The following KCNH1 variants were observed in gnomAD, a reference collection of about 807,000 sequenced individuals.
KCNH1 encodes the protein potassium voltage-gated channel subfamily H member 1, also known as voltage-gated delayed rectifier potassium channel KCNH1.
A neutral mutation model predicts 69.2 loss-of-function variants in KCNH1; 27 were observed. The observed-to-expected ratio is 0.39, with a 90% confidence interval of 0.29 to 0.54. The LOEUF (loss-of-function observed/expected upper bound fraction) is 0.54. Among genes scored for constraint, KCNH1 ranks in the 20% least tolerant of loss-of-function variants. The pLI, the probability that KCNH1 is intolerant of heterozygous loss-of-function variation, is 0.68. For missense variants in KCNH1, 798 were observed against 1,261.6 expected, an observed-to-expected ratio of 0.63 and a Z score of 5.57; for synonymous variants, 456 against 487.7, an observed-to-expected ratio of 0.93 and a Z score of 0.86.
At chr1:211,031,552 T>G (rs576180995) in intron 5 of KCNH1, among the ~76,000 whole-genome samples, 1 of 152,182 alleles carries the variant, frequency 6.6e-6, no homozygotes, top group East Asian at 1.9e-4. Flanking sequence ...ATGATCATGA[T>G]CATGAAACCA....
At chr1:210,759,156 G>GACACACAC (rs60773247) in intron 10 of KCNH1, among the ~76,000 whole-genome samples, 16,502 of 148,500 alleles carry the variant, frequency 0.11, 978 homozygotes, top group Non-Finnish European at 0.14. Flanking sequence ...CCAAATGATA[G>GACACACAC]ACACACACAC....
rs187191832 is a variant in KCNH1, at chr1:210,991,721, C to T, written c.1032+27062G>A. Among the ~76,000 whole-genome samples the T allele has an allele frequency of 2.3e-3, 349 of 152,112 alleles. 1 individual carries two copies. The highest frequency in any genetic ancestry group is 0.01 in the Middle Eastern group (3 of 294). ...AATCATCCCACAATGATCAAAATAT[C>T]CCATTGTACCCCATAAATACAGATA... On this transcript the variant is annotated intron_variant, in intron 6 of 10. Coordinates refer to ENST00000271751, the MANE Select transcript of KCNH1 (RefSeq NM_172362.3).
chr1:211,110,601 A>G (rs945131384), intron 1 of KCNH1, among the ~76,000 whole-genome samples: 2 of 152,188 alleles, frequency 1.3e-5, no homozygotes, highest in African/African-American at 2.4e-5. Context: ...TTTAATTATC[A>G]TAAGTATCTG....
rs1691914532 is a variant in KCNH1, at chr1:211,133,478, G to A, written c.79+389C>T. 1 of 155,962 alleles carries A rather than the reference G, an allele frequency of 6.4e-6. No individual in the cohort carries two copies. The highest frequency in any genetic ancestry group is 2.4e-5 in the African/African-American group (1 of 41,628). 9.7% of individuals were successfully genotyped at this position (155,962 alleles called of 1,614,324 possible). A position where few individuals can be genotyped will look rare whatever the true frequency, so the allele number is the denominator to read the frequency against. On this transcript the variant is annotated intron_variant, in intron 1 of 10. Transcript: ENST00000271751. This position sits in a 1 kb window ranked among gnomAD's most constrained non-coding sequence, Gnocchi z 5.4. ...GGGAGAGGCGGCGCCTCTGGGAGCA[G>A]CCCGGGAGCCCCAGAGCCTTCGCGG...
chr1:210,993,465 A>G (rs1318338937), intron 6 of KCNH1, among the ~76,000 whole-genome samples: 1 of 152,216 alleles, frequency 6.6e-6, no homozygotes, highest in Non-Finnish European at 1.5e-5. Context: ...TTCCTACTCT[A>G]GTTCTTACAA....
intron 8 of KCNH1, among the ~76,000 whole-genome samples, chr1:210,803,195 T>G (rs1198646029): frequency 6.6e-6 from 1 of 152,154 alleles, no homozygotes; most frequent in Non-Finnish European, 1.5e-5. Context: ...CTCTGCCTCC[T>G]GGATTCAAGC....
chr1:210,984,831 A>G (rs987385020), intron 6 of KCNH1, among the ~76,000 whole-genome samples: 4 of 152,056 alleles, frequency 2.6e-5, no homozygotes. Context: ...CTCTTTTTCT[A>G]TTGATTGGAA....
intron 6 of KCNH1, among the ~76,000 whole-genome samples, chr1:210,941,106 A>G (rs1286881157): frequency 6.6e-6 from 1 of 152,206 alleles, no homozygotes; most frequent in Non-Finnish European, 1.5e-5. Context: ...AACAGCACCA[A>G]CATTAGGAAA....
intron 6 of KCNH1, among the ~76,000 whole-genome samples, chr1:210,922,893 C>T (rs1388739364): frequency 2.6e-5 from 4 of 152,202 alleles, no homozygotes; most frequent in Admixed American, 6.5e-5. Flanking sequence ...TACTCTCCAC[C>T]TCCTCATAAG....
rs183644452 is a variant in KCNH1 at position 211,070,644 on chromosome 1, C to T, written c.558+12136G>A. Reference sequence around the variant, plus strand: ...TTGGAGACCAGCCCGGCCAACATGGCGAAACCCCGTCTCTACTAAAAATAC... The same window carrying T: ...TTGGAGACCAGCCCGGCCAACATGGTGAAACCCCGTCTCTACTAAAAATAC... On this transcript the variant is annotated intron_variant, in intron 5 of 10. Coordinates refer to ENST00000271751, the MANE Select transcript of KCNH1 (RefSeq NM_172362.3). 3.8e-4 allele frequency among the ~76,000 whole-genome samples: 58 copies of T among 150,892 alleles called. 1 individual carries two copies. The highest frequency in any genetic ancestry group is 1.3e-3 in the African/African-American group (55 of 41,078).
chr1:210,979,290 C>T (rs1558551092), intron 6 of KCNH1, among the ~76,000 whole-genome samples: 1 of 152,184 alleles, frequency 6.6e-6, no homozygotes, highest in African/African-American at 2.4e-5. Context: ...GCAAGTCATA[C>T]AGTTATTTAA....
intron 7 of KCNH1, among the ~76,000 whole-genome samples, chr1:210,888,438 C>G (rs1232862227): frequency 6.6e-6 from 1 of 152,046 alleles, no homozygotes; most frequent in Non-Finnish European, 1.5e-5. Context: ...TAGCACTAAA[C>G]GCCCACAGGA....
intron 10 of KCNH1, among the ~76,000 whole-genome samples, chr1:210,710,438 T>C (rs1682043559): frequency 6.6e-6 from 1 of 152,154 alleles, no homozygotes; most frequent in South Asian, 2.1e-4. Context: ...AAGAGAGAGA[T>C]ATACGAAGAG....
In KCNH1 at chr1:210,693,940, CTTAGCCCTTCCA is replaced by C. The variant is rs1430384833; in HGVS notation, c.2113-9814_2113-9803del. 4.6e-5 allele frequency among the ~76,000 whole-genome samples: 7 copies of C among 152,304 alleles called. No homozygotes were observed. The East Asian group carries it at 1.4e-3, about 29-fold the overall frequency. On this transcript the variant is annotated intron_variant, in intron 10 of 10. Coordinates refer to ENST00000271751, the MANE Select transcript of KCNH1 (RefSeq NM_172362.3). ...AGCATGTGCAAACCACAAGCCTTCCCTTAGCCCTTCCAGAGGCAGTTTTAGGAGCCTGCTTGC... is the reference window on the plus strand; with the variant it reads ...AGCATGTGCAAACCACAAGCCTTCCCGAGGCAGTTTTAGGAGCCTGCTTGC...
At chr1:210,861,332 T>G in intron 7 of KCNH1, 1 of 794,932 alleles carries the variant, frequency 1.3e-6, no homozygotes, top group Non-Finnish European at 2.3e-6. Flanking sequence ...AGGAGCCATA[T>G]ATTGCTTCTC....
intron 6 of KCNH1, among the ~76,000 whole-genome samples, chr1:210,946,949 A>T (rs903814701): frequency 5.9e-5 from 9 of 152,148 alleles, no homozygotes; most frequent in Non-Finnish European, 1.2e-4. Flanking sequence ...AGCATCCAGC[A>T]CACATTCCTG....
chr1:211,077,828 G>A (rs530763611), intron 5 of KCNH1, among the ~76,000 whole-genome samples: 1 of 152,146 alleles, frequency 6.6e-6, no homozygotes, highest in Admixed American at 6.5e-5. Flanking sequence ...TGGATAAAGA[G>A]TCAAGCCCCA....
At chr1:210,831,981 C>G (rs1246808041) in intron 7 of KCNH1, among the ~76,000 whole-genome samples, 1 of 79,946 alleles carries the variant, frequency 1.3e-5, no homozygotes, top group Non-Finnish European at 2.5e-5. Context: ...TTTTATTTAA[C>G]TTTAATTTCA....
Position 210,772,471 on chromosome 1 carries a change from A to T in KCNH1, c.2112+2877T>A, listed in dbSNP as rs190520810. 4.1e-4 allele frequency among the ~76,000 whole-genome samples: 63 copies of T among 152,176 alleles called. No homozygotes were observed. The East Asian group carries it at 0.011, about 28-fold the overall frequency. ...TACGAATTAATTCTCAGAAGGACACAATGAGAGACTACAATGGCAATAATA... is the reference window on the plus strand; with the variant it reads ...TACGAATTAATTCTCAGAAGGACACTATGAGAGACTACAATGGCAATAATA... On this transcript the variant is annotated intron_variant, in intron 10 of 10. Transcript: ENST00000271751.
Sources: allele counts gnomAD v4.1 joint callset (sites outside exome capture counted in the v4.1 genomes callset), GRCh38; gene constraint gnomAD v4.1.1; non-coding constraint Gnocchi (gnomAD v3.1); transcripts MANE v1.5; gene names NCBI Gene and HGNC (gene_info 2026-07-23, HGNC 2026-07-21).